Variants in COX7B2 observed in about 807,000 individuals in gnomAD.
The protein encoded by COX7B2 is cytochrome c oxidase subunit 7B2, mitochondrial.
For missense variants in COX7B2, 109 were observed against 95.9 expected (o/e 1.14, Z -0.57); for synonymous variants, 37 against 32.1 (o/e 1.15, Z -0.51).
At chr4:46,745,860 C>T (rs1005908525) in intron 2 of COX7B2, among the ~76,000 whole-genome samples, 9 of 152,256 alleles carry the variant, frequency 5.9e-5, no homozygotes, top group African/African-American at 2.2e-4. Flanking sequence ...CAATTACATT[C>T]TTGTTTCAGA....
intron 2 of COX7B2, among the ~76,000 whole-genome samples, chr4:46,788,605 A>G (rs1717874585): frequency 6.6e-6 from 1 of 152,196 alleles, no homozygotes. Flanking sequence ...TACAATTGAT[A>G]AAATATTTTT....
At chr4:46,838,983 C>A (rs1188895965) in intron 2 of COX7B2, among the ~76,000 whole-genome samples, 1 of 151,862 alleles carries the variant, frequency 6.6e-6, no homozygotes, top group African/African-American at 2.4e-5. Flanking sequence ...GTTCTTCATG[C>A]ATTTAGCGCC....
intron 2 of COX7B2, among the ~76,000 whole-genome samples, chr4:46,841,707 T>C (rs542564341): frequency 3.6e-4 from 55 of 151,886 alleles, no homozygotes; most frequent in Non-Finnish European, 8.8e-5. Flanking sequence ...AAGGAAATAA[T>C]ATGCAGCACT....
chr4:46,891,208 GA>G (rs1233439296), intron 1 of COX7B2, among the ~76,000 whole-genome samples: 2 of 152,154 alleles, frequency 1.3e-5, no homozygotes, highest in Non-Finnish European at 2.9e-5. Flanking sequence ...GGCAGATCAA[GA>G]AATCAAGTTT....
chr4:46,776,920 C>T (rs1717184539), intron 2 of COX7B2, among the ~76,000 whole-genome samples: 1 of 152,142 alleles, frequency 6.6e-6, no homozygotes, highest in Non-Finnish European at 1.5e-5. Context: ...TCCTTTTTAC[C>T]TATGTGGCAA....
chr4:46,790,178 G>A (rs1010287017), intron 2 of COX7B2, among the ~76,000 whole-genome samples: 2 of 152,078 alleles, frequency 1.3e-5, no homozygotes, highest in African/African-American at 2.4e-5. Flanking sequence ...GGAACAGAAC[G>A]AGCAATTTAT....
At chr4:46,826,890 C>A (rs1263178618) in intron 2 of COX7B2, among the ~76,000 whole-genome samples, 1 of 151,484 alleles carries the variant, frequency 6.6e-6, no homozygotes, top group Non-Finnish European at 1.5e-5. Context: ...GGGAGAGGAG[C>A]AGAAAAATGG....
intron 2 of COX7B2, among the ~76,000 whole-genome samples, chr4:46,840,916 G>C (rs1035129257): frequency 6.6e-6 from 1 of 151,960 alleles, no homozygotes; most frequent in African/African-American, 2.4e-5. Flanking sequence ...AAAATAAAAG[G>C]ACTCATTAAA....
intron 1 of COX7B2, among the ~76,000 whole-genome samples, chr4:46,871,350 A>G (rs941278247): frequency 1.3e-5 from 2 of 152,212 alleles, no homozygotes; most frequent in African/African-American, 4.8e-5. Flanking sequence ...CTAAATATGG[A>G]TTAAATTAAA....
chr4:46,878,461 A>G (rs531453939), intron 1 of COX7B2, among the ~76,000 whole-genome samples: 35 of 151,074 alleles, frequency 2.3e-4, no homozygotes, highest in Non-Finnish European at 3.5e-4. Flanking sequence ...TCATTTTACT[A>G]CATATACATA....
chr4:46,766,842 T>C (rs1716571783), intron 2 of COX7B2, among the ~76,000 whole-genome samples: 2 of 151,712 alleles, frequency 1.3e-5, no homozygotes, highest in Admixed American at 6.6e-5. Context: ...AACCACAAAG[T>C]CAATCTCTGT....
chr4:46,778,570 A>T (rs1717282145), intron 2 of COX7B2, among the ~76,000 whole-genome samples: 1 of 152,158 alleles, frequency 6.6e-6, no homozygotes, highest in South Asian at 2.1e-4. Context: ...ACCTACTTAA[A>T]CAGCTTCCCA....
chr4:46,863,464 G>A (rs1717453339), intron 1 of COX7B2, among the ~76,000 whole-genome samples: 1 of 152,156 alleles, frequency 6.6e-6, no homozygotes, highest in South Asian at 2.1e-4. Flanking sequence ...CATTAGAAGG[G>A]AATTGTTTAT....
intron 1 of COX7B2, among the ~76,000 whole-genome samples, chr4:46,872,394 T>C (rs1006906587): frequency 2.0e-5 from 3 of 152,234 alleles, no homozygotes; most frequent in African/African-American, 7.2e-5. Flanking sequence ...TCCTGGGTGA[T>C]GAAGTAATCT....
At chr4:46,771,466 C>G (rs1048911458) in intron 2 of COX7B2, among the ~76,000 whole-genome samples, 1 of 151,974 alleles carries the variant, frequency 6.6e-6, no homozygotes, top group African/African-American at 2.4e-5. Flanking sequence ...CTTCTGGGTA[C>G]ACATTTAAAG....
chr4:46,833,873 C>T (rs907078242), intron 2 of COX7B2, among the ~76,000 whole-genome samples: 4 of 151,878 alleles, frequency 2.6e-5, no homozygotes, highest in African/African-American at 9.7e-5. Flanking sequence ...GTTGGGTTGG[C>T]AAATTGGAAT....
At chr4:46,824,654 TAAAA>T (rs34090448) in intron 2 of COX7B2, among the ~76,000 whole-genome samples, 1 of 130,296 alleles carries the variant, frequency 7.7e-6, no homozygotes, top group Non-Finnish European at 1.6e-5. Flanking sequence ...ACTGTTTGTG[TAAAA>T]AAAAAAAAAA....
chr4:46,804,170 G>A (rs1337030030), intron 2 of COX7B2, among the ~76,000 whole-genome samples: 2 of 152,126 alleles, frequency 1.3e-5, no homozygotes, highest in African/African-American at 2.4e-5. Flanking sequence ...TGGGTTCGTG[G>A]TCTCACTAGC....
At chr4:46,904,299 A>G (rs147910174) in intron 1 of COX7B2, among the ~76,000 whole-genome samples, 1 of 152,174 alleles carries the variant, frequency 6.6e-6, no homozygotes, top group South Asian at 2.1e-4. Context: ...AACTCACATG[A>G]TAGGCAAAAG....
Sources: gnomAD v4.1 joint callset for allele counts (sites outside exome capture counted in the v4.1 genomes callset) on GRCh38, gnomAD v4.1.1 for gene constraint, MANE v1.5 for transcripts, NCBI Gene and HGNC (gene_info 2026-07-23, HGNC 2026-07-21) for gene names.